The following HDAC8 variants were observed in gnomAD, a reference collection of about 807,000 sequenced individuals.
HDAC8 encodes the protein histone deacetylase-like 1.
A neutral mutation model predicts 32.2 loss-of-function variants in HDAC8; 1 was observed. The ratio of observed to expected loss-of-function variants is 0.03; its 90% confidence interval spans 0.01 to 0.15. HDAC8 has a LOEUF of 0.15. Among genes scored for constraint, HDAC8 ranks in the 10% least tolerant of loss-of-function variants. HDAC8 has a pLI of 1.00. For synonymous variants in HDAC8, 108 were observed against 113.9 expected (o/e 0.95, Z 0.33); for missense variants, 117 against 300.0 (o/e 0.39, Z 4.51).
chrX:72,567,121 A>G (rs2051824065), intron 4 of HDAC8, among the ~76,000 whole-genome samples: 1 of 111,957 alleles, frequency 8.9e-6, no homozygotes, highest in Non-Finnish European at 1.9e-5. Context: ...CTCTAGCCTG[A>G]ACGACAGGGC....
chrX:72,421,411 T>C (rs2046487950), intron 9 of HDAC8, among the ~76,000 whole-genome samples: 2 of 111,412 alleles, frequency 1.8e-5, no homozygotes, highest in Admixed American at 1.9e-4. Flanking sequence ...GTGTGTGTTG[T>C]TCCCCTCCAT....
intron 4 of HDAC8, among the ~76,000 whole-genome samples, chrX:72,502,332 T>C (rs1322094933): frequency 8.9e-6 from 1 of 111,973 alleles, no homozygotes; most frequent in Non-Finnish European, 1.9e-5. Flanking sequence ...GAATGTTCAC[T>C]GCGGCACTAT....
At chrX:72,351,965 A>C in intron 9 of HDAC8, 127 bp from the exon 10 acceptor site, 1 of 459,500 alleles carries the variant, frequency 2.2e-6, no homozygotes, top group Non-Finnish European at 3.8e-6. Flanking sequence ...TGGGCAGAAC[A>C]GGATGATGCA....
At chrX:72,360,471 C>T (rs1214402571) in intron 9 of HDAC8, among the ~76,000 whole-genome samples, 1 of 112,374 alleles carries the variant, frequency 8.9e-6, no homozygotes, top group Admixed American at 9.4e-5. Flanking sequence ...AAAAATTATA[C>T]TTGCTTCTAT....
At chrX:72,398,422 C>G (rs1569268454) in intron 9 of HDAC8, among the ~76,000 whole-genome samples, 1 of 110,958 alleles carries the variant, frequency 9.0e-6, no homozygotes, top group East Asian at 2.8e-4. Flanking sequence ...AACTCCTGGG[C>G]TTAAGTGATC....
At chrX:72,359,615 G>A (rs2044481255) in intron 9 of HDAC8, among the ~76,000 whole-genome samples, 1 of 111,362 alleles carries the variant, frequency 9.0e-6, no homozygotes, top group Non-Finnish European at 1.9e-5. Flanking sequence ...GCAGGGTCAG[G>A]ACTGAAGCTG....
intron 8 of HDAC8, 85 bp from the exon 9 acceptor site, chrX:72,462,183 A>G: frequency 6.7e-6 from 5 of 741,003 alleles, no homozygotes; most frequent in Non-Finnish European, 8.1e-6. Context: ...AGAGAGAAAA[A>G]TGTTTTAAGA....
chrX:72,448,663 G>C (rs1447297776), intron 9 of HDAC8, among the ~76,000 whole-genome samples: 4 of 112,006 alleles, frequency 3.6e-5, no homozygotes, highest in African/African-American at 6.5e-5. Flanking sequence ...CAGAATGGGA[G>C]AAAATTTTTG....
At chrX:72,383,093 A>G (rs2045311563) in intron 9 of HDAC8, among the ~76,000 whole-genome samples, 1 of 112,056 alleles carries the variant, frequency 8.9e-6, no homozygotes, top group African/African-American at 3.2e-5. Flanking sequence ...CTACTGCTAC[A>G]GTCCTCTATC....
chrX:72,472,522 TA>T (rs1438657846), intron 7 of HDAC8, among the ~76,000 whole-genome samples: 1 of 112,108 alleles, frequency 8.9e-6, no homozygotes, highest in Non-Finnish European at 1.9e-5. Context: ...ACTCTTCCAT[TA>T]ATCTATATGT....
At chrX:72,333,597 A>C (rs1260045319) in intron 10 of HDAC8, among the ~76,000 whole-genome samples, 1 of 108,071 alleles carries the variant, frequency 9.3e-6, no homozygotes, top group Non-Finnish European at 1.9e-5. Context: ...AGGCTGAGGC[A>C]GGAGAATCGC....
intron 9 of HDAC8, among the ~76,000 whole-genome samples, chrX:72,441,483 G>C (rs998802103): frequency 8.0e-5 from 9 of 112,243 alleles, no homozygotes; most frequent in Non-Finnish European, 1.3e-4. Context: ...GGTCCTGTCT[G>C]TTAGGAGGAA....
chrX:72,512,111 G>GGAAGTA (rs1556022259), intron 4 of HDAC8, among the ~76,000 whole-genome samples: 1 of 111,952 alleles, frequency 8.9e-6, no homozygotes, highest in African/African-American at 3.2e-5. Flanking sequence ...GCTAAAGGCA[G>GGAAGTA]GAAGTAAAGG....
intron 4 of HDAC8, among the ~76,000 whole-genome samples, chrX:72,520,486 G>A (rs1317227234): frequency 1.8e-5 from 2 of 111,900 alleles, no homozygotes; most frequent in Non-Finnish European, 3.8e-5. Flanking sequence ...TTCACCAATT[G>A]TCATAATTTT....
At chrX:72,442,434 T>G (rs1555982389) in intron 9 of HDAC8, among the ~76,000 whole-genome samples, 1 of 111,335 alleles carries the variant, frequency 9.0e-6, no homozygotes. Flanking sequence ...CCAGCCAAAC[T>G]AAGCTTCATA....
chrX:72,559,146 C>T (rs1293882176), intron 4 of HDAC8, among the ~76,000 whole-genome samples: 1 of 97,670 alleles, frequency 1.0e-5, no homozygotes, highest in Non-Finnish European at 2.1e-5. Context: ...GTACTGCCAC[C>T]ATCTCGGCTC....
intron 4 of HDAC8, among the ~76,000 whole-genome samples, chrX:72,558,232 T>C (rs1254365745): frequency 9.0e-6 from 1 of 111,674 alleles, no homozygotes; most frequent in Non-Finnish European, 1.9e-5. Context: ...CCTCCCTAAA[T>C]CATTCTATGA....
intron 7 of HDAC8, among the ~76,000 whole-genome samples, chrX:72,476,943 C>G (rs1159611555): frequency 8.9e-6 from 1 of 111,857 alleles, no homozygotes; most frequent in East Asian, 2.8e-4. Flanking sequence ...CCGGTTATAC[C>G]TGTTCTGGGA....
At chrX:72,389,458 G>C (rs963168171) in intron 9 of HDAC8, among the ~76,000 whole-genome samples, 1 of 111,991 alleles carries the variant, frequency 8.9e-6, no homozygotes, top group African/African-American at 3.3e-5. Flanking sequence ...TCAAAATATG[G>C]CTTTCTCACT....
Sources: allele counts gnomAD v4.1 joint callset (sites outside exome capture counted in the v4.1 genomes callset), GRCh38; gene constraint gnomAD v4.1.1; transcripts MANE v1.5; gene names NCBI Gene and HGNC (gene_info 2026-07-23, HGNC 2026-07-21).